The following BLTP1 variants were observed in gnomAD, a reference collection of about 807,000 sequenced individuals.
BLTP1 encodes the protein bridge-like lipid transfer protein family member 1, also known as fragile site-associated protein.
chr4:122,261,891 G>A, the BLTP1 span: 1 of 985,262 alleles, frequency 1.0e-6, no homozygotes, highest in Non-Finnish European at 1.2e-6. Context: ...ATGACTGGGA[G>A]GGCATTGAAA....
the BLTP1 span, chr4:122,246,037 C>T: frequency 5.5e-5 from 65 of 1,181,488 alleles, no homozygotes; most frequent in Non-Finnish European, 6.6e-5. Flanking sequence ...AAAACTAGAA[C>T]GCAGCTGGCA....
the BLTP1 span, chr4:122,263,679 T>A: frequency 1.2e-6 from 1 of 857,944 alleles, no homozygotes; most frequent in Non-Finnish European, 1.8e-6. Flanking sequence ...GGGGATGGGT[T>A]AAAAATCAAA....
At chr4:122,292,995 C>T in the BLTP1 span, 3 of 806,410 alleles carry the variant, frequency 3.7e-6, no homozygotes, top group Non-Finnish European at 3.0e-6. Context: ...TTAGTCTAGT[C>T]TCCCTTAGGA....
chr4:122,349,596 A>G, the BLTP1 span: 1 of 1,610,798 alleles, frequency 6.2e-7, no homozygotes, highest in Non-Finnish European at 8.5e-7. The surrounding 1 kb of genome is among the most constrained non-coding windows in gnomAD (Gnocchi z 4.5). Flanking sequence ...GGATGAATGG[A>G]AAGTAAACTT....
the BLTP1 span, among the ~76,000 whole-genome samples, chr4:122,295,992 A>G: frequency 6.6e-6 from 1 of 152,214 alleles, no homozygotes; most frequent in South Asian, 2.1e-4. Flanking sequence ...AATGTGCAAA[A>G]GCTGGAAGCA....
the BLTP1 span, chr4:122,188,000 C>G: frequency 5.0e-6 from 8 of 1,595,558 alleles, no homozygotes; most frequent in Non-Finnish European, 6.8e-6. Flanking sequence ...TCATCTTGAC[C>G]AATTCATGCA....
the BLTP1 span, chr4:122,344,336 A>T: frequency 6.3e-7 from 1 of 1,592,564 alleles, no homozygotes; most frequent in Non-Finnish European, 8.6e-7. Context: ...GTGTGTATAT[A>T]TGTATATATA....
the BLTP1 span, chr4:122,345,175 T>TAGCAATCTCAGGTAAAA: frequency 5.8e-6 from 2 of 346,906 alleles, no homozygotes; most frequent in Non-Finnish European, 8.1e-6. Context: ...AACTTTTACC[T>TAGCAATCTCAGGTAAAA]GAGATTGCTA....
the BLTP1 span, among the ~76,000 whole-genome samples, chr4:122,337,525 C>T: frequency 6.6e-6 from 1 of 152,064 alleles, no homozygotes; most frequent in African/African-American, 2.4e-5. Context: ...TGGAGATCAT[C>T]TATATTCACT....
At chr4:122,286,062 A>G in the BLTP1 span, among the ~76,000 whole-genome samples, 1 of 152,336 alleles carries the variant, frequency 6.6e-6, no homozygotes, top group East Asian at 1.9e-4. Flanking sequence ...ATACTTTATG[A>G]ATGTTTCAGT....
the BLTP1 span, chr4:122,171,974 A>G: frequency 5.8e-5 from 56 of 963,082 alleles, no homozygotes; most frequent in Admixed American, 3.7e-4. Flanking sequence ...CTCATATAAC[A>G]ACCTACTGTT....
the BLTP1 span, chr4:122,302,209 A>G: frequency 1.1e-6 from 1 of 925,522 alleles, no homozygotes; most frequent in Non-Finnish European, 1.3e-6. Flanking sequence ...ATAAAATATC[A>G]AAATGAAACA....
the BLTP1 span, chr4:122,178,283 C>T: frequency 1.9e-5 from 7 of 361,980 alleles, no homozygotes; most frequent in Non-Finnish European, 2.7e-5. Context: ...TTCAAATTTA[C>T]ATAAGCAATA....
chr4:122,269,684 G>A, the BLTP1 span: 1 of 985,120 alleles, frequency 1.0e-6, no homozygotes, highest in East Asian at 1.1e-4. Context: ...TTAGTTTGGG[G>A]TTACAGTTTC....
chr4:122,220,056 T>C, the BLTP1 span, among the ~76,000 whole-genome samples: 6 of 152,098 alleles, frequency 3.9e-5, no homozygotes, highest in African/African-American at 1.4e-4. Context: ...CATGGAATGA[T>C]ATTAAATTGC....
chr4:122,167,209 A>C, the BLTP1 span, among the ~76,000 whole-genome samples: 1 of 152,118 alleles, frequency 6.6e-6, no homozygotes, highest in Non-Finnish European at 1.5e-5. Context: ...ATATCCATTT[A>C]TATTGAAAAC....
chr4:122,224,638 G>C, the BLTP1 span: 1 of 1,614,058 alleles, frequency 6.2e-7, no homozygotes, highest in South Asian at 1.1e-5. Flanking sequence ...TAATTGATGT[G>C]CAGGCTGGAA....
the BLTP1 span, chr4:122,334,537 T>C: frequency 6.2e-7 from 1 of 1,612,210 alleles, no homozygotes; most frequent in Non-Finnish European, 8.5e-7. Context: ...CCCCCACCTA[T>C]TCCTGCAGGT....
At chr4:122,344,698 C>T in the BLTP1 span, 2 of 1,201,238 alleles carry the variant, frequency 1.7e-6, no homozygotes, top group Admixed American at 5.3e-5. Context: ...GAGAGGAATG[C>T]CCAGCCTACG....
Sources: allele counts gnomAD v4.1 joint callset (sites outside exome capture counted in the v4.1 genomes callset), GRCh38; gene constraint gnomAD v4.1.1; non-coding constraint Gnocchi (gnomAD v3.1); transcripts MANE v1.5; gene names NCBI Gene and HGNC (gene_info 2026-07-23, HGNC 2026-07-21).